The following MIB2 variants were observed in gnomAD, a reference collection of about 807,000 sequenced individuals.
MIB2 encodes MIB E3 ubiquitin protein ligase 2, also known as E3 ubiquitin-protein ligase MIB2.
A neutral mutation model predicts 96.6 loss-of-function variants in MIB2; 78 were observed. The ratio of observed to expected loss-of-function variants is 0.81; its 90% CI spans 0.67 to 0.97. MIB2 has a LOEUF of 0.97. Ranked by LOEUF, MIB2 falls within the 50% of genes least tolerant of loss-of-function variation. MIB2 has a pLI of 0.00. For missense variants in MIB2, 1,543 were observed against 1,424.0 expected, an observed-to-expected ratio of 1.08 and a Z score of -1.35; for synonymous variants, 820 against 629.5, an observed-to-expected ratio of 1.30 and a Z score of -4.53.
intron 4 of MIB2, chr1:1,624,273 T>C (rs1644533386): frequency 2.3e-6 from 1 of 431,614 alleles, no homozygotes. Flanking sequence ...TCGGGGAGAA[T>C]CTAGCCTGCT....
chr1:1,625,004 A>T lies in MIB2; in HGVS notation c.540A>T (p.Lys180Asn), dbSNP rs1644604717. The T allele has an allele frequency of 6.2e-7, 1 of 1,611,772 alleles. No homozygotes were observed. The highest frequency in any genetic ancestry group is 1.1e-5 in the South Asian group (1 of 90,996). Residue 180 changes from lysine (K) to asparagine (N), a missense_variant, in exon 6 of 20, where the codon AAA (lysine) becomes AAT (asparagine). Coordinates refer to ENST00000355826, the MANE Select transcript of MIB2 (RefSeq NM_001170687.4). This position sits in a 1 kb window ranked among gnomAD's most constrained non-coding sequence, Gnocchi z 5.0. ...EWGSQDGGEG[K>N]PGRVVDIRGW... Reference sequence around the variant, plus strand: ...CTCTTTCCCCAGGAGGGGAAGGGAAACCGGGCCGTGTGGTGGACATCCGTG... The same window carrying T: ...CTCTTTCCCCAGGAGGGGAAGGGAATCCGGGCCGTGTGGTGGACATCCGTG...
In MIB2 at chr1:1,626,910, G is replaced by A. The variant is rs764022017; in HGVS notation, c.1151G>A (p.Arg384Gln). ...GNLRVAVAGQ[R>Q]WTFSPSCLVA... is the part of the protein sequence containing the mutation. ...CTGCGTGTAGCAGTCGCTGGTCAGCGGTGGACCTTCAGCCCCTCCTGCCTG... is the reference window on the plus strand; with the variant it reads ...CTGCGTGTAGCAGTCGCTGGTCAGCAGTGGACCTTCAGCCCCTCCTGCCTG... Residue 384 changes from arginine to glutamine, a missense_variant, in exon 10 of 20, where the codon CGG becomes CAG. Physicochemically the swap from Arg to Gln is conservative, Grantham distance 43 (BLOSUM62 1). Coordinates refer to ENST00000355826, the MANE Select transcript of MIB2 (RefSeq NM_001170687.4). This position sits in a 1 kb window ranked among gnomAD's most constrained non-coding sequence, Gnocchi z 5.3. The A allele has an allele frequency of 4.5e-5, 72 of 1,608,840 alleles. No homozygotes were observed. The highest frequency in any genetic ancestry group is 5.8e-5 in the Non-Finnish European group (69 of 1,179,560).
At chr1:1,624,095 T>C (rs1644515340) in intron 4 of MIB2, 150 bp downstream of exon 4, 5 of 961,452 alleles carry the variant, frequency 5.2e-6, no homozygotes, top group Non-Finnish European at 7.5e-6. Context: ...AGTGGTGCCA[T>C]GGGCAGGGCA....
At chr1:1,624,662 G>A in intron 4 of MIB2, 133 bp from the exon 5 acceptor site, 1 of 827,248 alleles carries the variant, frequency 1.2e-6, no homozygotes, top group South Asian at 1.4e-5. Context: ...TCCCGGGCAA[G>A]AGCTGGGGCT....
chr1:1,627,811 C>G lies in MIB2; in HGVS notation c.1662C>G (p.Gly554=). 6.3e-7 allele frequency: 1 copy of G among 1,599,334 alleles called. No individual in the cohort carries two copies. Among genetic ancestry groups the G allele is most frequent in the Middle Eastern group, 1.7e-4 (1 of 5,952 alleles). ...TGGTGCGGGCCCTGTGTGAGCGCGG[C>G]TGTGACGTCAACCTGCCCGTGAGTG... ...LEVVRALCER[G]CDVNLPDAHS... is the part of the protein sequence containing the mutation. The change falls in exon 13 of 20, where the codon GGC becomes GGG. Residue 554 remains glycine, a synonymous_variant. Coordinates refer to ENST00000355826, the MANE Select transcript of MIB2 (RefSeq NM_001170687.4).
chr1:1,627,027 G>A, intron 10 of MIB2, 28 bp downstream of exon 10: 1 of 1,606,922 alleles, frequency 6.2e-7, no homozygotes, highest in Non-Finnish European at 8.5e-7. Context: ...CGGCCAGTGG[G>A]AGGTGGGGCT....
In MIB2 at chr1:1,623,961, C is replaced by T. The variant is rs1185441283; in HGVS notation, c.419+16C>T. The T allele has an allele frequency of 1.9e-6, 3 of 1,594,146 alleles. No homozygotes were observed. The highest frequency in any genetic ancestry group is 2.3e-5 in the East Asian group (1 of 44,374). On this transcript the variant is annotated intron_variant, in intron 4 of 19. Coordinates refer to ENST00000355826, the MANE Select transcript of MIB2 (RefSeq NM_001170687.4). ...ACTCGCGCCCGTGAGTCCCGGGCCGCACCGGCTCCTGTGCGGCGGGTACCC... is the reference window on the plus strand; with the variant it reads ...ACTCGCGCCCGTGAGTCCCGGGCCGTACCGGCTCCTGTGCGGCGGGTACCC...
chr1:1,616,131 C>A, intron 1 of MIB2: 1 of 978,236 alleles, frequency 1.0e-6, no homozygotes, highest in Non-Finnish European at 1.2e-6. Flanking sequence ...GGTCTGGCAG[C>A]GGACAGGGCC....
At position 1,629,708 on chromosome 1, in the gene MIB2, G is replaced by C; in HGVS notation, c.2629+4G>C. 1 of 1,587,834 alleles carries C rather than the reference G, an allele frequency of 6.3e-7. No individual in the cohort carries two copies. The highest frequency in any genetic ancestry group is 8.6e-7 in the Non-Finnish European group (1 of 1,168,054). ...GTCAGCAAGAAACTGCGCCCAGGTG[G>C]GTGAGGCTCTGCGCCCCCAACACGC... is the stretch of plus-strand genomic sequence containing the variant. On this transcript the variant is annotated splice_donor_region_variant and intron_variant, in intron 19 of 19. Transcript: ENST00000355826.
Position 1,627,476 on chromosome 1 carries a change from C to G in MIB2, c.1523+32C>G, listed in dbSNP as rs776051029. 4 of 1,576,312 alleles carry G rather than the reference C, an allele frequency of 2.5e-6. No individual in the cohort carries two copies. In the African/African-American group the frequency reaches 5.6e-5, roughly 22 times the overall value. On this transcript the variant is annotated intron_variant, in intron 12 of 19. Coordinates refer to ENST00000355826, the MANE Select transcript of MIB2 (RefSeq NM_001170687.4). ...CCTGGGAGGGGCCCGGCCGGCGGGGCTGAGCCTGTGCGTCCTGGGGTGAGG... is the reference window on the plus strand; with the variant it reads ...CCTGGGAGGGGCCCGGCCGGCGGGGGTGAGCCTGTGCGTCCTGGGGTGAGG...
chr1:1,628,473 C>A lies in MIB2; in HGVS notation c.1969-16C>A, dbSNP rs374340817. 2 of 1,594,652 alleles carry A rather than the reference C, an allele frequency of 1.3e-6. No individual in the cohort carries two copies. The highest frequency in any genetic ancestry group is 1.7e-6 in the Non-Finnish European group (2 of 1,174,250). ...ACTGGGGTCCCTGGGCTGAGCCCGT[C>A]CCCACCCCTCCCCAGGGCCGCTGTG... On this transcript the variant is annotated splice_polypyrimidine_tract_variant and intron_variant, in intron 15 of 19. Transcript: ENST00000355826.
intron 2 of MIB2, 103 bp downstream of exon 2, chr1:1,616,717 G>A (rs28502067): frequency 0.033 from 29,369 of 884,504 alleles, 1,054 homozygotes; most frequent in East Asian, 0.18. Context: ...GTCTGAGCAT[G>A]CATGCGAGTG....
intron 12 of MIB2, 98 bp from the exon 13 acceptor site, chr1:1,627,572 GGCT>G (rs1235828914): frequency 2.6e-5 from 39 of 1,490,794 alleles, no homozygotes; most frequent in Non-Finnish European, 5.3e-6. Context: ...GGCCCGGCGG[GGCT>G]GAGCCTGTGC....
In MIB2 at chr1:1,629,693, A is replaced by T; in HGVS notation, c.2618A>T (p.Lys873Ile). Reference sequence around the variant, plus strand: ...AGGTGCCAGGTGGTCGTCAGCAAGAAACTGCGCCCAGGTGGGTGAGGCTCT... The same window carrying T: ...AGGTGCCAGGTGGTCGTCAGCAAGATACTGCGCCCAGGTGGGTGAGGCTCT... The part of the protein sequence containing the change: ...CIRCQVVVSK[K>I]LRPDGSEVAS... The change falls in exon 19 of 20, where the codon AAA becomes ATA. Residue 873 changes from lysine (K) to isoleucine (I), a missense_variant. Transcript: ENST00000355826. 6.3e-7 allele frequency: 1 copy of T among 1,596,728 alleles called. No homozygotes were observed. The highest frequency in any genetic ancestry group is 8.5e-7 in the Non-Finnish European group (1 of 1,171,882).
chr1:1,621,944 G>T (rs576815684), intron 2 of MIB2, among the ~76,000 whole-genome samples: 7 of 152,366 alleles, frequency 4.6e-5, no homozygotes, highest in African/African-American at 1.7e-4. Context: ...AGGAGTCGGG[G>T]GCTTTGCTGT....
rs756244735 is a variant in MIB2, at chr1:1,626,848, C to T, written c.1089C>T (p.Arg363=). ...TCCCCTCCCCGCAGGCCCTGGGCCGCGTCGGGAAGGTGGTGAAAGTGTTTG... is the reference window on the plus strand; with the variant it reads ...TCCCCTCCCCGCAGGCCCTGGGCCGTGTCGGGAAGGTGGTGAAAGTGTTTG... ...WTDDMAPALG[R]VGKVVKVFGD... is the part of the protein sequence containing the mutation. The change falls in exon 10 of 20, where the codon CGC becomes CGT. Residue 363 remains arginine (R), a synonymous_variant. Transcript: ENST00000355826. This position sits in a 1 kb window ranked among gnomAD's most constrained non-coding sequence, Gnocchi z 5.3. 159 of 1,602,424 alleles carry T rather than the reference C, an allele frequency of 9.9e-5. No individual in the cohort carries two copies. Among genetic ancestry groups the T allele is most frequent in the Non-Finnish European group, 1.2e-4 (145 of 1,179,370 alleles).
Position 1,625,686 on chromosome 1 carries a change from T to C in MIB2, c.972+33T>C. ...GGGGGCTGGGCTGCGCCTCATCTGC[T>C]TGCTTCTGTAACCCCTTCCACGTAC... On this transcript the variant is annotated intron_variant, in intron 8 of 19. Transcript: ENST00000355826. This position sits in a 1 kb window ranked among gnomAD's most constrained non-coding sequence, Gnocchi z 5.0. The C allele has an allele frequency of 6.6e-7, 1 of 1,525,542 alleles. No individual in the cohort carries two copies. The highest frequency in any genetic ancestry group is 8.9e-7 in the Non-Finnish European group (1 of 1,125,818). 94.5% of individuals were successfully genotyped at this position (1,525,542 alleles called of 1,614,324 possible).
At chr1:1,619,067 C>T (rs1248210317) in intron 2 of MIB2, 12 of 152,458 alleles carry the variant, frequency 7.9e-5, no homozygotes, top group East Asian at 1.9e-4. Context: ...AGGAGAAAGG[C>T]GGCAGAGCCT....
upstream of MIB2, chr1:1,614,601 C>G (rs1643432294): frequency 1.3e-5 from 2 of 152,308 alleles, no homozygotes. Flanking sequence ...CCTGGAGAGC[C>G]TGCCTCTGGG....
Sources: gnomAD v4.1 joint callset for allele counts (sites outside exome capture counted in the v4.1 genomes callset) on GRCh38, gnomAD v4.1.1 for gene constraint, Gnocchi (gnomAD v3.1) non-coding constraint, MANE v1.5 for transcripts, NCBI Gene and HGNC (gene_info 2026-07-23, HGNC 2026-07-21) for gene names.